Variants in MYEF2 observed in about 807,000 individuals in gnomAD.
MYEF2 encodes myelin gene expression factor 2.
In MYEF2, 37 loss-of-function variants were observed where a neutral mutation model predicts 75.2. The observed-to-expected ratio is 0.49, with a 90% CI of 0.38 to 0.65. MYEF2 has a LOEUF of 0.65. Among genes scored for constraint, MYEF2 ranks in the 30% least tolerant of loss-of-function variants. The pLI is 0.00. For synonymous variants in MYEF2, 195 were observed against 241.6 expected (o/e 0.81, Z 1.79); for missense variants, 634 against 771.4 (o/e 0.82, Z 2.11).
chr15:48,146,033 C>G (rs763164864), intron 16 of MYEF2, among the ~76,000 whole-genome samples: 1 of 151,832 alleles, frequency 6.6e-6, no homozygotes, highest in Non-Finnish European at 1.5e-5. Flanking sequence ...ATCTGTGGAA[C>G]AAAGTTATAT....
intron 16 of MYEF2, among the ~76,000 whole-genome samples, chr15:48,143,300 G>C (rs1487884435): frequency 2.0e-5 from 3 of 151,838 alleles, no homozygotes; most frequent in African/African-American, 7.3e-5. Flanking sequence ...GATTTTCTTA[G>C]GATTTAATGT....
At chr15:48,168,920 C>T in intron 1 of MYEF2, 81 bp from the exon 2 acceptor site, 2 of 1,073,024 alleles carry the variant, frequency 1.9e-6, no homozygotes, top group Non-Finnish European at 2.7e-6. Context: ...ATAAGTATTC[C>T]ATATTTATCA....
intron 10 of MYEF2, 193 bp downstream of exon 10, chr15:48,153,599 C>A: frequency 1.9e-6 from 1 of 532,072 alleles, no homozygotes; most frequent in Non-Finnish European, 3.3e-6. Context: ...CAAAGAAACC[C>A]TCCTGACTTC....
At chr15:48,155,673 A>T (rs1220404849) in intron 9 of MYEF2, among the ~76,000 whole-genome samples, 1 of 151,830 alleles carries the variant, frequency 6.6e-6, no homozygotes, top group Non-Finnish European at 1.5e-5. Context: ...ACCACATTAA[A>T]ATGAAAAAGT....
chr15:48,153,548 A>C (rs2039576003), intron 10 of MYEF2: 1 of 390,558 alleles, frequency 2.6e-6, no homozygotes, highest in Admixed American at 3.8e-5. Context: ...GACATTTCAA[A>C]ATCCAAAATG....
chr15:48,157,068 T>C (rs1441123961), intron 9 of MYEF2: 1 of 152,094 alleles, frequency 6.6e-6, no homozygotes. Context: ...TTTACTTTTG[T>C]CTGTATATTT....
intron 1 of MYEF2, among the ~76,000 whole-genome samples, chr15:48,174,258 A>T (rs562318592): frequency 5.3e-5 from 8 of 152,274 alleles, no homozygotes; most frequent in African/African-American, 1.9e-4. Flanking sequence ...TCTTCAAAAA[A>T]TGGTATTGGG....
In MYEF2 at chr15:48,139,484, C is replaced by T. The variant is rs546104355; in HGVS notation, c.*3424G>A. On this transcript the variant is annotated 3_prime_UTR_variant, in exon 17 of 17. Coordinates refer to ENST00000324324, the MANE Select transcript of MYEF2 (RefSeq NM_016132.5). ...ATAATTTAATCACATTCCATGGGGT[C>T]CACAATAAACTCTTTATATTGAATT... The T allele has an allele frequency of 3.0e-4, 57 of 191,146 alleles. No homozygotes were observed. The highest frequency in any genetic ancestry group is 1.2e-3 in the African/African-American group (52 of 42,630). 11.8% of individuals were successfully genotyped at this position (191,146 alleles called of 1,614,324 possible). A position where few individuals can be genotyped will look rare whatever the true frequency, so the allele number is the denominator to read the frequency against.
At chr15:48,159,540 C>A in intron 6 of MYEF2, 73 bp downstream of exon 6, 1 of 1,350,014 alleles carries the variant, frequency 7.4e-7, no homozygotes, top group South Asian at 1.3e-5. Flanking sequence ...GTTCTATAAA[C>A]CTATAACTCA....
rs955940584 is a variant in MYEF2 at position 48,152,442 on chromosome 15, C to T, written c.1088-158G>A. 13 of 579,034 alleles carry T rather than the reference C, an allele frequency of 2.2e-5. No homozygotes were observed. In the East Asian group the frequency reaches 3.6e-4, roughly 16 times the overall value. The allele number at this position is 579,034 out of a possible 1,614,324, so 35.9% of individuals were successfully genotyped here. On this transcript the variant is annotated intron_variant, in intron 10 of 16. Transcript: ENST00000324324. ...GGAGGCATGGTTTAAAGTGCTATGC[C>T]ATAGCAGCTGTCTAATCATGAATCT...
chr15:48,146,113 T>C (rs2039272625), intron 16 of MYEF2, among the ~76,000 whole-genome samples: 1 of 151,932 alleles, frequency 6.6e-6, no homozygotes, highest in South Asian at 2.1e-4. Context: ...TAAAATGTTA[T>C]AGTCTTGCAT....
In MYEF2 at chr15:48,135,270, C is replaced by G. The variant is rs1469350946; in HGVS notation, c.*7638G>C. 1.2e-5 allele frequency: 3 copies of G among 259,268 alleles called. No homozygotes were observed. Among genetic ancestry groups the G allele is most frequent in the Non-Finnish European group, 2.3e-5 (3 of 133,306 alleles). 16.1% of individuals were successfully genotyped at this position (259,268 alleles called of 1,614,324 possible). A position where few individuals can be genotyped will look rare whatever the true frequency, so the allele number is the denominator to read the frequency against. On this transcript the variant is annotated 3_prime_UTR_variant, in exon 17 of 17. Transcript: ENST00000324324. ...GCTGCCTATTCAGAAAGTTTCCCAA[C>G]TCCTGTTGTCCATTAAAGCCACAAC...
chr15:48,160,879 G>GA (rs5812433), intron 5 of MYEF2, among the ~76,000 whole-genome samples: 2 of 151,324 alleles, frequency 1.3e-5, no homozygotes, highest in African/African-American at 4.8e-5. Context: ...GATTACAAAA[G>GA]AAAAAAAAAA....
Position 48,153,911 on chromosome 15 carries a change from A to G in MYEF2, c.986-18T>C, listed in dbSNP as rs760058316. 2.5e-6 allele frequency: 4 copies of G among 1,597,292 alleles called. No individual in the cohort carries two copies. In the South Asian group the frequency reaches 3.3e-5, roughly 13 times the overall value. ...AAGACCACCTAAAACAAAAATGAGA[A>G]CAATCATTACAAAGATCCATATATG... On this transcript the variant is annotated intron_variant, in intron 9 of 16. Transcript: ENST00000324324.
chr15:48,144,829 G>A (rs1367271552), intron 16 of MYEF2, among the ~76,000 whole-genome samples: 2 of 151,668 alleles, frequency 1.3e-5, no homozygotes, highest in Admixed American at 6.6e-5. Flanking sequence ...GATTTTCAAG[G>A]GCTTTTAAGG....
At chr15:48,166,364 T>G (rs1597345143) in intron 3 of MYEF2, among the ~76,000 whole-genome samples, 1 of 152,014 alleles carries the variant, frequency 6.6e-6, no homozygotes, top group East Asian at 1.9e-4. Flanking sequence ...TTGGAGCACA[T>G]TTTTCACTTT....
intron 8 of MYEF2, 46 bp downstream of exon 8, chr15:48,158,129 A>G (rs769096168): frequency 6.2e-7 from 1 of 1,611,756 alleles, no homozygotes; most frequent in East Asian, 2.2e-5. Flanking sequence ...AGAGCCAATA[A>G]AAGATCTGAA....
chr15:48,151,081 T>C lies in MYEF2; in HGVS notation c.1378+19A>G, dbSNP rs374754257. 234 of 1,545,368 alleles carry C rather than the reference T, an allele frequency of 1.5e-4. No homozygotes were observed. The highest frequency in any genetic ancestry group is 6.8e-4 in the Middle Eastern group (4 of 5,864). On this transcript the variant is annotated intron_variant, in intron 14 of 16. Coordinates refer to ENST00000324324, the MANE Select transcript of MYEF2 (RefSeq NM_016132.5). ...CACTCAAATATTACTGAATAAATTCTAGTAAAATTTAAACCTACTTATTCC... is the reference window on the plus strand; with the variant it reads ...CACTCAAATATTACTGAATAAATTCCAGTAAAATTTAAACCTACTTATTCC...
chr15:48,152,753 T>C (rs558696554), intron 10 of MYEF2: 1 of 153,772 alleles, frequency 6.5e-6, no homozygotes, highest in African/African-American at 2.4e-5. Flanking sequence ...TAGGAGAGGG[T>C]AGGTAGGTGT....
Sources: gnomAD v4.1 joint callset for allele counts (sites outside exome capture counted in the v4.1 genomes callset) on GRCh38, gnomAD v4.1.1 for gene constraint, MANE v1.5 for transcripts, NCBI Gene and HGNC (gene_info 2026-07-23, HGNC 2026-07-21) for gene names.